Variants in BMPER observed in about 807,000 individuals in gnomAD.
BMPER encodes BMP-binding endothelial regulator protein.
A neutral mutation model predicts 87.3 loss-of-function variants in BMPER; 45 were observed. The ratio of observed to expected loss-of-function variants is 0.52; its 90% CI spans 0.41 to 0.66. The LOEUF (loss-of-function observed/expected upper bound fraction) is 0.66. Among genes scored for constraint, BMPER ranks in the 30% least tolerant of loss-of-function variants. BMPER has a pLI of 0.00. For synonymous variants in BMPER, 326 were observed against 316.2 expected, an observed-to-expected ratio of 1.03 and a Z score of -0.33; for missense variants, 784 against 867.5, an observed-to-expected ratio of 0.90 and a Z score of 1.21.
chr7:34,083,296 G>A (rs990382203), intron 12 of BMPER, among the ~76,000 whole-genome samples: 6 of 152,158 alleles, frequency 3.9e-5, no homozygotes, highest in Non-Finnish European at 7.3e-5. Flanking sequence ...CCCAGCCTGT[G>A]GGTTTCCAGC....
chr7:33,905,815 GCT>G, intron 1 of BMPER, 69 bp downstream of exon 1: 3 of 1,392,580 alleles, frequency 2.2e-6, no homozygotes, highest in Non-Finnish European at 2.0e-6. Flanking sequence ...GGTGGCGCTG[GCT>G]TGCCCCGGGG....
intron 6 of BMPER, among the ~76,000 whole-genome samples, chr7:34,003,838 A>C (rs1786654187): frequency 6.6e-6 from 1 of 152,014 alleles, no homozygotes; most frequent in South Asian, 2.1e-4. Flanking sequence ...CTGCTTTCAA[A>C]ATTTTCTGTC....
intron 3 of BMPER, among the ~76,000 whole-genome samples, chr7:33,951,297 C>G: frequency 6.6e-6 from 1 of 152,108 alleles, no homozygotes; most frequent in East Asian, 1.9e-4. Flanking sequence ...ATCCACCCGC[C>G]TTGGCCTCCT....
chr7:34,087,172 T>C (rs1473965665), intron 13 of BMPER, among the ~76,000 whole-genome samples: 1 of 152,230 alleles, frequency 6.6e-6, no homozygotes, highest in Non-Finnish European at 1.5e-5. Flanking sequence ...CATGGCTGTA[T>C]GTGCCAAACC....
rs922751619 is a variant in BMPER at position 34,078,725 on chromosome 7, CT to C, written c.1079-122del. On this transcript the variant is annotated intron_variant, in intron 11 of 14. Transcript: ENST00000649409. ...TGACACGAACCTTTAAAAACGACCA[CT>C]TTTTTTTTTAAGTTGATTTCCCTTA... 3.5e-3 allele frequency: 2,775 copies of C among 801,680 alleles called. 1 individual carries two copies. Among genetic ancestry groups the C allele is most frequent in the Non-Finnish European group, 4.1e-3 (2,089 of 505,406 alleles). 49.7% of individuals were successfully genotyped at this position (801,680 alleles called of 1,614,324 possible).
At chr7:33,943,099 A>G (rs113431652) in intron 3 of BMPER, among the ~76,000 whole-genome samples, 2,781 of 152,218 alleles carry the variant, frequency 0.018, 37 homozygotes, top group Middle Eastern at 0.054. Flanking sequence ...ACATTAATAT[A>G]TTATTGTACT....
chr7:34,028,339 G>A (rs1013409781), intron 6 of BMPER, among the ~76,000 whole-genome samples: 1 of 151,860 alleles, frequency 6.6e-6, no homozygotes, highest in African/African-American at 2.4e-5. Context: ...ATTTATGTTA[G>A]CATGAAATGG....
At chr7:33,922,118 G>A (rs1275112224) in intron 2 of BMPER, 1 of 261,060 alleles carries the variant, frequency 3.8e-6, no homozygotes, top group Non-Finnish European at 7.9e-6. Flanking sequence ...AAGCCGACCA[G>A]GCTCTGATTC....
chr7:34,090,886 C>T (rs956939842), intron 13 of BMPER, among the ~76,000 whole-genome samples: 2 of 152,144 alleles, frequency 1.3e-5, no homozygotes, highest in Admixed American at 6.5e-5. Flanking sequence ...GAGCGAAAAC[C>T]CTGTTCACTT....
In BMPER at chr7:34,153,193, G is replaced by T. The variant is rs376351419; in HGVS notation, c.1978G>T (p.Val660Phe). The change falls in exon 15 of 15, where the codon GTT becomes TTT. Residue 660 changes from valine (V) to phenylalanine (F), a missense_variant. By Grantham distance (50) the Val-to-Phe change is conservative. Coordinates refer to ENST00000649409, the MANE Select transcript of BMPER (RefSeq NM_001365308.1). ...AATTGGTCCATGCAACAAGCCGTGC[G>T]TTGCTGGGTGCCACTGTCCAGCAAA... Reference protein sequence around the residue: ...NEIGPCNKPCVAGCHCPANLV... With the variant: ...NEIGPCNKPCFAGCHCPANLV... The T allele has an allele frequency of 2.5e-6, 4 of 1,613,950 alleles. No individual in the cohort carries two copies. The Admixed American group carries it at 5.0e-5, about 20-fold the overall frequency.
rs1443756255 is a variant in BMPER at position 34,093,081 on chromosome 7, T to C, written c.1745+6989T>C. Among the ~76,000 whole-genome samples, 3 of 152,208 alleles carry C rather than the reference T, an allele frequency of 2.0e-5. No homozygotes were observed. In the East Asian group the frequency reaches 5.8e-4, roughly 29 times the overall value. ...CAGAGGACTCTCAAGGTCAGGAATT[T>C]GCTAGAAGGAACTCAAGTGGTAATA... is the stretch of plus-strand genomic sequence containing the variant. On this transcript the variant is annotated intron_variant, in intron 13 of 14. Coordinates refer to ENST00000649409, the MANE Select transcript of BMPER (RefSeq NM_001365308.1).
At chr7:33,973,365 A>G (rs1785597767) in intron 5 of BMPER, among the ~76,000 whole-genome samples, 1 of 152,244 alleles carries the variant, frequency 6.6e-6, no homozygotes, top group Non-Finnish European at 1.5e-5. Context: ...GCCTTCTGGC[A>G]TCACTGAGAA....
chr7:34,050,416 G>T (rs925802652), intron 7 of BMPER, among the ~76,000 whole-genome samples: 1 of 152,062 alleles, frequency 6.6e-6, no homozygotes, highest in Non-Finnish European at 1.5e-5. Flanking sequence ...GTTTGCTCTT[G>T]GTGGTGAGAA....
intron 5 of BMPER, among the ~76,000 whole-genome samples, chr7:33,973,521 G>A (rs948114045): frequency 6.6e-6 from 1 of 152,206 alleles, no homozygotes; most frequent in African/African-American, 2.4e-5. Context: ...TTAACAAAGG[G>A]CTCTGTATCC....
At chr7:33,954,673 T>C (rs748805109) in intron 3 of BMPER, among the ~76,000 whole-genome samples, 1 of 152,212 alleles carries the variant, frequency 6.6e-6, no homozygotes, top group Non-Finnish European at 1.5e-5. Context: ...TAAACTAAAA[T>C]TCAGAAATCA....
At chr7:33,933,119 A>T (rs550004490) in intron 2 of BMPER, among the ~76,000 whole-genome samples, 36 of 152,132 alleles carry the variant, frequency 2.4e-4, no homozygotes, top group Non-Finnish European at 4.3e-4. Flanking sequence ...TTGCGGCGGG[A>T]GCTGTGGTTT....
chr7:34,022,906 A>G (rs139968850), intron 6 of BMPER, among the ~76,000 whole-genome samples: 118 of 152,062 alleles, frequency 7.8e-4, no homozygotes, highest in Non-Finnish European at 9.6e-4. Flanking sequence ...AGTGGACAGT[A>G]ACATATCTCC....
At position 34,110,453 on chromosome 7, in the gene BMPER, C is replaced by T. The variant is rs77438439; in HGVS notation, c.1745+24361C>T. On this transcript the variant is annotated intron_variant, in intron 13 of 14. Transcript: ENST00000649409. The stretch of plus-strand genomic sequence containing the variant: ...AGCACTGAGGGTGAGTGCCAGATTG[C>T]GAAGCCTCCAGAGGGTTCAGGAAAG... Among the ~76,000 whole-genome samples, 851 of 152,198 alleles carry T rather than the reference C, an allele frequency of 5.6e-3. 4 individuals are homozygous for T. Among genetic ancestry groups the T allele is most frequent in the African/African-American group, 0.018 (767 of 41,534 alleles).
intron 13 of BMPER, among the ~76,000 whole-genome samples, chr7:34,140,586 G>T (rs1790839178): frequency 6.6e-6 from 1 of 152,198 alleles, no homozygotes; most frequent in Non-Finnish European, 1.5e-5. Context: ...CTGTCTGTGG[G>T]TGAGGTGGAG....
Sources: gnomAD v4.1 joint callset for allele counts (sites outside exome capture counted in the v4.1 genomes callset) on GRCh38, gnomAD v4.1.1 for gene constraint, MANE v1.5 for transcripts, NCBI Gene and HGNC (gene_info 2026-07-23, HGNC 2026-07-21) for gene names.